The following RASGRF1 variants were observed in gnomAD, a reference collection of about 807,000 sequenced individuals.
RASGRF1 encodes Ras protein specific guanine nucleotide releasing factor 1.
A neutral mutation model predicts 138.7 loss-of-function variants in RASGRF1; 40 were observed. The ratio of observed to expected loss-of-function variants is 0.29; its 90% CI spans 0.22 to 0.38. The LOEUF (loss-of-function observed/expected upper bound fraction) is 0.38. Ranked by LOEUF, RASGRF1 falls within the 10% of genes least tolerant of loss-of-function variation. The probability of loss-of-function intolerance (pLI) is 1.00; values close to 1 mark genes in which losing one functional copy is unlikely to be tolerated. For synonymous variants in RASGRF1, 614 were observed against 663.2 expected (o/e 0.93, Z 1.14); for missense variants, 1,108 against 1,650.4 (o/e 0.67, Z 5.69).
chr15:78,993,836 G>T (rs967886937), intron 20 of RASGRF1, among the ~76,000 whole-genome samples: 2 of 152,178 alleles, frequency 1.3e-5, no homozygotes, highest in African/African-American at 4.8e-5. Context: ...TGGGGTGGTT[G>T]GCTCCTTCCG....
At chr15:79,090,104 C>A (rs1051936563) in intron 1 of RASGRF1, 119 bp downstream of exon 1, 1 of 1,339,194 alleles carries the variant, frequency 7.5e-7, no homozygotes, top group Non-Finnish European at 9.9e-7. Context: ...GTGCAGAGAG[C>A]GCCTAGGGCG....
rs566744618 is a variant in RASGRF1, at chr15:78,977,894, T to A, written c.3494+2726A>T. 2.0e-5 allele frequency among the ~76,000 whole-genome samples: 3 copies of A among 152,254 alleles called. 1 individual carries two copies. Among genetic ancestry groups the A allele is most frequent in the African/African-American group, 7.2e-5 (3 of 41,544 alleles). On this transcript the variant is annotated intron_variant, in intron 24 of 26. Transcript: ENST00000558480. ...GACCACATTTTGCTACTAAATTCAG[T>A]TTTCAACCAAATTCTTGTTGCCTGG... is the stretch of plus-strand genomic sequence containing the variant.
In RASGRF1 at chr15:79,073,911, G is replaced by T. The variant is rs551727905; in HGVS notation, c.277-9385C>A. On this transcript the variant is annotated intron_variant, in intron 1 of 26. Transcript: ENST00000558480. This position sits in a 1 kb window ranked among gnomAD's most constrained non-coding sequence, Gnocchi z 4.2. ...AACAAGCCCCCCAGGTGATCCTGCT[G>T]CACCCTGTGGTATGAGAAGCATTGC... 6.6e-6 allele frequency among the ~76,000 whole-genome samples: 1 copy of T among 152,194 alleles called. No homozygotes were observed. The highest frequency in any genetic ancestry group is 1.5e-5 in the Non-Finnish European group (1 of 68,038).
chr15:79,035,288 G>T, intron 5 of RASGRF1, 78 bp from the exon 6 acceptor site: 1 of 1,204,094 alleles, frequency 8.3e-7, no homozygotes, highest in East Asian at 2.5e-5. Context: ...CAAACCTCCT[G>T]CGTGACTTCA....
chr15:79,087,379 A>G (rs940141843), intron 1 of RASGRF1, among the ~76,000 whole-genome samples: 2 of 152,196 alleles, frequency 1.3e-5, no homozygotes, highest in Admixed American at 6.5e-5. Flanking sequence ...TGCCCCAGCC[A>G]CTTAGGGGTT....
chr15:79,036,774 G>A (rs1340414942), intron 5 of RASGRF1, among the ~76,000 whole-genome samples: 1 of 152,004 alleles, frequency 6.6e-6, no homozygotes, highest in Non-Finnish European at 1.5e-5. Context: ...GAGAGAAAGG[G>A]GTGAGGGAGA....
In RASGRF1 at chr15:79,046,262, T is replaced by C. The variant is rs957272977; in HGVS notation, c.878+484A>G. ...TATCAAGGTCAAAGAATAAGGTACT[T>C]TAGTTTACGTTTTGTAGCTTGATTT... On this transcript the variant is annotated intron_variant, in intron 5 of 26. Transcript: ENST00000558480. This position sits in a 1 kb window ranked among gnomAD's most constrained non-coding sequence, Gnocchi z 5.3. Among the ~76,000 whole-genome samples, 6 of 152,218 alleles carry C rather than the reference T, an allele frequency of 3.9e-5. No individual in the cohort carries two copies. The highest frequency in any genetic ancestry group is 1.4e-4 in the African/African-American group (6 of 41,450).
At chr15:78,981,574 T>C (rs2056032962) in intron 23 of RASGRF1, 1 of 152,172 alleles carries the variant, frequency 6.6e-6, no homozygotes, top group Admixed American at 6.5e-5. Context: ...ACGCCCAATC[T>C]TGGGGTCAGA....
chr15:79,052,223 T>C (rs971260237), intron 3 of RASGRF1, among the ~76,000 whole-genome samples: 4 of 152,172 alleles, frequency 2.6e-5, no homozygotes, highest in African/African-American at 9.7e-5. Flanking sequence ...CACGGTGCAA[T>C]GGCTCCTGCT....
chr15:78,963,717 T>G (rs1420647811), intron 26 of RASGRF1, among the ~76,000 whole-genome samples: 1 of 152,226 alleles, frequency 6.6e-6, no homozygotes, highest in African/African-American at 2.4e-5. Context: ...ACCGGCTGTC[T>G]GCTATGCTGA....
chr15:78,995,610 C>A, intron 20 of RASGRF1, 130 bp downstream of exon 20: 1 of 1,161,888 alleles, frequency 8.6e-7, no homozygotes, highest in Non-Finnish European at 1.3e-6. Flanking sequence ...TTTTAAGCCG[C>A]CCAGTTTGTG....
intron 3 of RASGRF1, among the ~76,000 whole-genome samples, chr15:79,052,581 T>C (rs1448865002): frequency 2.6e-5 from 4 of 152,168 alleles, no homozygotes. Context: ...CAGGCATTCA[T>C]AGAGGTGGCT....
At chr15:79,057,435 C>A (rs555709476) in intron 3 of RASGRF1, among the ~76,000 whole-genome samples, 1 of 152,380 alleles carries the variant, frequency 6.6e-6, no homozygotes, top group African/African-American at 2.4e-5. Flanking sequence ...TTTCACCTCA[C>A]ATCAGACCCT....
chr15:79,017,948 C>T (rs747570463), intron 11 of RASGRF1, 42 bp from the exon 12 acceptor site: 59 of 1,605,402 alleles, frequency 3.7e-5, no homozygotes, highest in African/African-American at 1.6e-4. Context: ...TGAATGTGGA[C>T]GCCTTTTCAG....
At chr15:78,978,195 CTTCTTT>C (rs1196268164) in intron 24 of RASGRF1, among the ~76,000 whole-genome samples, 4 of 143,666 alleles carry the variant, frequency 2.8e-5, no homozygotes, top group Admixed American at 1.4e-4. Flanking sequence ...GATATTTTTT[CTTCTTT>C]TTCTTTTTCT....
intron 10 of RASGRF1, among the ~76,000 whole-genome samples, chr15:79,024,054 CAT>C (rs1491079766): frequency 1.0e-4 from 15 of 150,110 alleles, no homozygotes; most frequent in African/African-American, 3.0e-4. Context: ...CACACACACA[CAT>C]ACACATACAC....
chr15:79,086,796 G>A (rs1443158489), intron 1 of RASGRF1, among the ~76,000 whole-genome samples: 2 of 152,194 alleles, frequency 1.3e-5, no homozygotes, highest in African/African-American at 4.8e-5. Flanking sequence ...AGGGAGCTTG[G>A]AATGAGAGTG....
intron 6 of RASGRF1, among the ~76,000 whole-genome samples, chr15:79,033,634 G>A (rs2141003949): frequency 6.9e-6 from 1 of 144,210 alleles, no homozygotes; most frequent in African/African-American, 2.6e-5. Flanking sequence ...GCCCAGGCTG[G>A]AGTGGAGTGC....
At chr15:79,087,998 C>T (rs2058004774) in intron 1 of RASGRF1, among the ~76,000 whole-genome samples, 1 of 152,214 alleles carries the variant, frequency 6.6e-6, no homozygotes, top group African/African-American at 2.4e-5. Context: ...CAGCTCTGAA[C>T]ATGAGTGCAT....
Sources: allele counts gnomAD v4.1 joint callset (sites outside exome capture counted in the v4.1 genomes callset), GRCh38; gene constraint gnomAD v4.1.1; non-coding constraint Gnocchi (gnomAD v3.1); transcripts MANE v1.5; gene names NCBI Gene and HGNC (gene_info 2026-07-23, HGNC 2026-07-21).